Variants in USH2A observed in about 807,000 individuals in gnomAD.
USH2A encodes Usher syndrome 2A (autosomal recessive, mild).
Under a neutral mutation model 538.9 loss-of-function variants are expected in USH2A, and 443 were observed. That is an observed-to-expected ratio of 0.82 (90% CI 0.76 to 0.89). USH2A has a LOEUF of 0.89. Among genes scored for constraint, USH2A ranks in the 40% least tolerant of loss-of-function variants. The pLI, the probability that USH2A is intolerant of heterozygous loss-of-function variation, is 0.00. For synonymous variants in USH2A, 2,413 were observed against 2,273.5 expected (o/e 1.06, Z -1.75); for missense variants, 6,633 against 6,324.8 (o/e 1.05, Z -1.65).
intron 20 of USH2A, among the ~76,000 whole-genome samples, chr1:216,186,234 A>C (rs906626888): frequency 2.6e-5 from 4 of 151,726 alleles, no homozygotes; most frequent in African/African-American, 9.7e-5. Flanking sequence ...AAAAAAAAAA[A>C]AACACATTTG....
At chr1:216,301,191 T>A (rs2102622627) in intron 9 of USH2A, among the ~76,000 whole-genome samples, 1 of 152,326 alleles carries the variant, frequency 6.6e-6, no homozygotes, top group South Asian at 2.1e-4. Context: ...AAATGCCTAC[T>A]ATGTATCTTT....
intron 36 of USH2A, among the ~76,000 whole-genome samples, chr1:215,966,993 C>T (rs898929681): frequency 3.0e-4 from 45 of 152,058 alleles, no homozygotes; most frequent in Admixed American, 1.3e-4. Context: ...CTGACCTGGT[C>T]TTTCTTTTTC....
intron 3 of USH2A, among the ~76,000 whole-genome samples, chr1:216,407,434 T>G (rs2102768355): frequency 6.6e-6 from 1 of 152,300 alleles, no homozygotes; most frequent in African/African-American, 2.4e-5. Context: ...TACTCTGTCT[T>G]TGGCTTATGT....
intron 36 of USH2A, among the ~76,000 whole-genome samples, chr1:215,967,799 C>G (rs1373339672): frequency 6.6e-6 from 1 of 151,616 alleles, no homozygotes; most frequent in Non-Finnish European, 1.5e-5. Flanking sequence ...TGTATTTATC[C>G]AGGTGTATTT....
intron 35 of USH2A, among the ~76,000 whole-genome samples, chr1:215,974,860 T>C (rs1353508216): frequency 6.6e-6 from 1 of 152,192 alleles, no homozygotes; most frequent in African/African-American, 2.4e-5. Flanking sequence ...TACCCAGTAA[T>C]GGGTTGCTGG....
rs11804374 is a variant in USH2A at position 215,999,112 on chromosome 1, A to G, written c.6486-54T>C. On this transcript the variant is annotated intron_variant, in intron 33 of 71. Transcript: ENST00000307340. ...TTCATTCAAGTCAAAACTAAAATAT[A>G]CAGGATTTTCAAAGGACACATTTGA... 10,514 of 1,470,004 alleles carry G rather than the reference A, an allele frequency of 7.2e-3. 599 individuals carry two copies. The African/African-American group carries it at 0.13, about 18-fold the overall frequency. 91.1% of individuals were successfully genotyped at this position (1,470,004 alleles called of 1,614,324 possible).
At chr1:216,224,598 AG>A (rs1346781528) in intron 14 of USH2A, among the ~76,000 whole-genome samples, 1 of 152,146 alleles carries the variant, frequency 6.6e-6, no homozygotes, top group African/African-American at 2.4e-5. Context: ...GGTCACAAAA[AG>A]TCATTGTTGT....
At chr1:215,763,757 T>A (rs1421383089) in intron 56 of USH2A, among the ~76,000 whole-genome samples, 1 of 152,070 alleles carries the variant, frequency 6.6e-6, no homozygotes, top group African/African-American at 2.4e-5. Flanking sequence ...GAAAAATGAC[T>A]AGAGGAAGGG....
At chr1:215,791,996 AT>A (rs1417870044) in intron 50 of USH2A, among the ~76,000 whole-genome samples, 1 of 152,136 alleles carries the variant, frequency 6.6e-6, no homozygotes, top group Non-Finnish European at 1.5e-5. Context: ...ACAACCATGG[AT>A]TTTTTTACTG....
At chr1:216,031,315 G>T (rs1267503322) in intron 32 of USH2A, among the ~76,000 whole-genome samples, 1 of 152,040 alleles carries the variant, frequency 6.6e-6, no homozygotes, top group African/African-American at 2.4e-5. Flanking sequence ...TCTACAGCAA[G>T]GTTAATGGAA....
At chr1:215,981,871 G>A (rs1327276226) in intron 35 of USH2A, among the ~76,000 whole-genome samples, 2 of 152,126 alleles carry the variant, frequency 1.3e-5, no homozygotes, top group African/African-American at 4.8e-5. Context: ...GAAAAATGAG[G>A]GAGCACTATG....
chr1:216,129,075 C>T (rs1278693617), intron 21 of USH2A, among the ~76,000 whole-genome samples: 1 of 151,986 alleles, frequency 6.6e-6, no homozygotes, highest in Admixed American at 6.6e-5. Context: ...CTGCTGCAAA[C>T]GACTGGATTT....
In USH2A at chr1:216,333,108, T is replaced by C. The variant is rs60630124; in HGVS notation, c.785-5454A>G. Among the ~76,000 whole-genome samples the C allele has an allele frequency of 9.7e-3, 1,473 of 151,964 alleles. 20 individuals carry two copies. The highest frequency in any genetic ancestry group is 0.034 in the African/African-American group (1,429 of 41,464). On this transcript the variant is annotated intron_variant, in intron 4 of 71. Coordinates refer to ENST00000307340, the MANE Select transcript of USH2A (RefSeq NM_206933.4). ...GTGTCCAAAGAACTAAAGCAAAGTA[T>C]GACAATGATGCTTTAGACAATATAG...
intron 20 of USH2A, among the ~76,000 whole-genome samples, chr1:216,177,529 G>A (rs1273080838): frequency 6.6e-6 from 1 of 152,084 alleles, no homozygotes; most frequent in South Asian, 2.1e-4. Context: ...AACTAACTTT[G>A]GTCAGCCTCT....
At chr1:216,121,910 CA>C in intron 21 of USH2A, among the ~76,000 whole-genome samples, 1 of 152,084 alleles carries the variant, frequency 6.6e-6, no homozygotes, top group Admixed American at 6.5e-5. Flanking sequence ...CAGTGTTGTT[CA>C]ATATTGAACA....
At chr1:216,419,326 C>G (rs190195313) in intron 2 of USH2A, among the ~76,000 whole-genome samples, 15 of 152,206 alleles carry the variant, frequency 9.9e-5, no homozygotes, top group African/African-American at 3.1e-4. Context: ...GGTCCTTCAG[C>G]CTTCTAGAAC....
rs2035365221 is a variant in USH2A, at chr1:216,217,472, T to C, written c.3072A>G (p.Lys1024=). 1 of 1,613,296 alleles carries C rather than the reference T, an allele frequency of 6.2e-7. No individual in the cohort carries two copies. The highest frequency in any genetic ancestry group is 8.5e-7 in the Non-Finnish European group (1 of 1,179,508). Residue 1024 remains lysine, a synonymous_variant, in exon 15 of 72, where the codon AAA becomes AAG. Coordinates refer to ENST00000307340, the MANE Select transcript of USH2A (RefSeq NM_206933.4). Reference sequence around the variant, plus strand: ...CACACTTTGAGCCAGTGACAAATTGTTTACAGAAACACTGGCCTGTGACCA... The same window carrying C: ...CACACTTTGAGCCAGTGACAAATTGCTTACAGAAACACTGGCCTGTGACCA... ...CHLVTGQCFC[K]QFVTGSKCDA...
chr1:216,129,347 A>C (rs1490406645), intron 21 of USH2A, among the ~76,000 whole-genome samples: 1 of 152,012 alleles, frequency 6.6e-6, no homozygotes, highest in Non-Finnish European at 1.5e-5. Flanking sequence ...CGTAGCGGCT[A>C]TACTAATTTG....
intron 47 of USH2A, 74 bp from the exon 48 acceptor site, chr1:215,817,269 A>G: frequency 7.6e-7 from 1 of 1,318,364 alleles, no homozygotes; most frequent in South Asian, 1.2e-5. Context: ...TTAAGTAAAA[A>G]GTGGCAGCAA....
Sources: allele counts gnomAD v4.1 joint callset (sites outside exome capture counted in the v4.1 genomes callset), GRCh38; gene constraint gnomAD v4.1.1; transcripts MANE v1.5; gene names NCBI Gene and HGNC (gene_info 2026-07-23, HGNC 2026-07-21).